RPH3AL: variants seen among roughly 807,000 people sequenced by gnomAD.
RPH3AL encodes the protein rabphilin 3A like (without C2 domains), also known as rab effector Noc2.
A neutral mutation model predicts 43.1 loss-of-function variants in RPH3AL; 38 were observed. The ratio of observed to expected loss-of-function variants is 0.88; its 90% CI spans 0.68 to 1.15. RPH3AL has a LOEUF of 1.15. Among genes scored for constraint, RPH3AL ranks in the 50% most tolerant of loss-of-function variants. RPH3AL has a pLI of 0.00. For missense variants in RPH3AL, 462 were observed against 423.2 expected, an observed-to-expected ratio of 1.09 and a Z score of -0.81; for synonymous variants, 189 against 176.3, an observed-to-expected ratio of 1.07 and a Z score of -0.57.
Position 215,836 on chromosome 17 carries a change from C to G in RPH3AL, c.728-34G>C. ...AATCACGTGTGGGCCCCGTGGATCT[C>G]AAACCGAGACGGGGTGATCTCAGTC... On this transcript the variant is annotated intron_variant, in intron 8 of 9. Transcript: ENST00000331302. The surrounding 1 kb of genome is among the most constrained non-coding windows in gnomAD (Gnocchi z 4.1). The G allele has an allele frequency of 7.7e-7, 1 of 1,303,376 alleles. No individual in the cohort carries two copies. The highest frequency in any genetic ancestry group is 3.1e-5 in the East Asian group (1 of 31,928). 80.7% of individuals were successfully genotyped at this position (1,303,376 alleles called of 1,614,324 possible).
chr17:275,486 CA>C (rs1372670746), intron 6 of RPH3AL, among the ~76,000 whole-genome samples: 1 of 152,074 alleles, frequency 6.6e-6, no homozygotes, highest in African/African-American at 2.4e-5. Flanking sequence ...GGGACGTCTG[CA>C]GTGGGGTAAC....
chr17:296,049 G>A (rs1386543087), intron 5 of RPH3AL, among the ~76,000 whole-genome samples: 2 of 145,542 alleles, frequency 1.4e-5, no homozygotes, highest in Non-Finnish European at 3.0e-5. Context: ...AGGGACAGAG[G>A]AGCTGCAGAA....
At chr17:304,954 G>A (rs1459884469) in intron 5 of RPH3AL, among the ~76,000 whole-genome samples, 2 of 64,366 alleles carry the variant, frequency 3.1e-5, no homozygotes, top group African/African-American at 5.8e-5. Flanking sequence ...GGCGAGAGGG[G>A]GACAGGGCGA....
At position 246,158 on chromosome 17, in the gene RPH3AL, G is replaced by T. The variant is rs951398863; in HGVS notation, c.613+953C>A. On this transcript the variant is annotated intron_variant, in intron 7 of 9. Transcript: ENST00000331302. This position sits in a 1 kb window ranked among gnomAD's most constrained non-coding sequence, Gnocchi z 4.8. ...AAAACAGCCCGAATGACATAAAGATGGTCAGATGTCAGGTCACAACCGAAG... is the reference window on the plus strand; with the variant it reads ...AAAACAGCCCGAATGACATAAAGATTGTCAGATGTCAGGTCACAACCGAAG... Among the ~76,000 whole-genome samples, 1 of 152,180 alleles carries T rather than the reference G, an allele frequency of 6.6e-6. No individual in the cohort carries two copies. Among genetic ancestry groups the T allele is most frequent in the Non-Finnish European group, 1.5e-5 (1 of 68,024 alleles).
Position 343,412 on chromosome 17 carries a change from G to A in RPH3AL, c.-213+9300C>T, listed in dbSNP as rs533195526. ...CAAAGCAGGCGCTCAACCCTGTCAC[G>A]CACTCCAGGTAGCCCTGCCAGCAGG... is the stretch of plus-strand genomic sequence containing the variant. On this transcript the variant is annotated intron_variant, in intron 1 of 9. Coordinates refer to ENST00000331302, the MANE Select transcript of RPH3AL (RefSeq NM_006987.4). 1.1e-3 allele frequency among the ~76,000 whole-genome samples: 160 copies of A among 152,314 alleles called. 1 individual carries two copies. Among genetic ancestry groups the A allele is most frequent in the Non-Finnish European group, 3.7e-4 (25 of 68,028 alleles).
rs111411786 is a variant in RPH3AL at position 309,619 on chromosome 17, T to C, written c.351+9801A>G. Among the ~76,000 whole-genome samples the C allele has an allele frequency of 7.5e-4, 58 of 77,152 alleles. 2 individuals carry two copies. The highest frequency in any genetic ancestry group is 1.0e-3 in the African/African-American group (23 of 22,012). 50.6% of individuals were successfully genotyped at this position (77,152 alleles called of 152,430 possible). ...AGCCTCCTGCTGGGGGTCCAGGATATGGCACATCCCCCGTCCAGGGCTCCT... is the reference window on the plus strand; with the variant it reads ...AGCCTCCTGCTGGGGGTCCAGGATACGGCACATCCCCCGTCCAGGGCTCCT... On this transcript the variant is annotated intron_variant, in intron 5 of 9. Coordinates refer to ENST00000331302, the MANE Select transcript of RPH3AL (RefSeq NM_006987.4).
At chr17:306,497 G>C (rs1349770515) in intron 5 of RPH3AL, 1 of 152,132 alleles carries the variant, frequency 6.6e-6, no homozygotes. Context: ...TGGGTGCTTG[G>C]TACCCCTAGA....
intron 8 of RPH3AL, among the ~76,000 whole-genome samples, chr17:216,803 G>C (rs1369691557): frequency 6.6e-6 from 1 of 152,122 alleles, no homozygotes; most frequent in Non-Finnish European, 1.5e-5. Context: ...GATTCTGAGG[G>C]CACATCAGGG....
At chr17:342,886 G>C (rs1379375586) in intron 1 of RPH3AL, among the ~76,000 whole-genome samples, 2 of 152,176 alleles carry the variant, frequency 1.3e-5, no homozygotes, top group Non-Finnish European at 2.9e-5. Flanking sequence ...CAACCAGCCA[G>C]ACATGATGCT....
Position 245,336 on chromosome 17 carries a change from T to G in RPH3AL, c.613+1775A>C, listed in dbSNP as rs2041733389. On this transcript the variant is annotated intron_variant, in intron 7 of 9. Transcript: ENST00000331302. This position sits in a 1 kb window ranked among gnomAD's most constrained non-coding sequence, Gnocchi z 5.9. The stretch of plus-strand genomic sequence containing the variant: ...GGATGTGGATGTCAGTGTGTGTGTG[T>G]GGATGTGAGTGTGTATGTGGATGTC... Among the ~76,000 whole-genome samples the G allele has an allele frequency of 6.6e-6, 1 of 150,572 alleles. No homozygotes were observed.
intron 5 of RPH3AL, among the ~76,000 whole-genome samples, chr17:317,133 G>C (rs1309853539): frequency 7.0e-6 from 1 of 143,548 alleles, no homozygotes; most frequent in Non-Finnish European, 1.5e-5. Context: ...CCACTGACGT[G>C]TAGTCCCTGT....
intron 2 of RPH3AL, chr17:331,350 C>A: frequency 1.7e-5 from 1 of 58,192 alleles, no homozygotes; most frequent in Non-Finnish European, 3.6e-5. Flanking sequence ...GAGCTGGGGC[C>A]ACGGGCAGCG....
At position 293,832 on chromosome 17, in the gene RPH3AL, C is replaced by T. The variant is rs143952612; in HGVS notation, c.352-11978G>A. 3.2e-4 allele frequency among the ~76,000 whole-genome samples: 49 copies of T among 152,056 alleles called. 1 individual carries two copies. Among genetic ancestry groups the T allele is most frequent in the African/African-American group, 1.1e-3 (46 of 41,370 alleles). On this transcript the variant is annotated intron_variant, in intron 5 of 9. Transcript: ENST00000331302. Reference sequence around the variant, plus strand: ...TCGCCTGAGGTCAGGAGTTCAACACCAACCTGGCCAACAAGGCGAAACCCC... The same window carrying T: ...TCGCCTGAGGTCAGGAGTTCAACACTAACCTGGCCAACAAGGCGAAACCCC...
At chr17:314,653 C>G (rs1477918549) in intron 5 of RPH3AL, among the ~76,000 whole-genome samples, 1 of 151,084 alleles carries the variant, frequency 6.6e-6, no homozygotes, top group South Asian at 2.1e-4. Flanking sequence ...CCCTGTGACT[C>G]CACCTCCATT....
At chr17:267,746 T>C (rs1211823723) in intron 6 of RPH3AL, among the ~76,000 whole-genome samples, 1 of 152,254 alleles carries the variant, frequency 6.6e-6, no homozygotes, top group East Asian at 1.9e-4. Context: ...ACTGTCTCCC[T>C]GACCACGTTT....
intron 6 of RPH3AL, among the ~76,000 whole-genome samples, chr17:266,185 A>T (rs1285935134): frequency 6.6e-6 from 1 of 151,706 alleles, no homozygotes; most frequent in Non-Finnish European, 1.5e-5. Flanking sequence ...TTAAAAGATG[A>T]CACTTTAAGG....
At chr17:263,978 A>G (rs1249053383) in intron 6 of RPH3AL, among the ~76,000 whole-genome samples, 1 of 152,138 alleles carries the variant, frequency 6.6e-6, no homozygotes, top group African/African-American at 2.4e-5. Context: ...GCAGGAAACA[A>G]GGGCCTGAGG....
intron 6 of RPH3AL, among the ~76,000 whole-genome samples, chr17:253,493 A>ATG (rs2041967764): frequency 6.6e-6 from 1 of 152,046 alleles, no homozygotes; most frequent in Non-Finnish European, 1.5e-5. Context: ...GGGTATGCGC[A>ATG]ATCCTTTTTT....
intron 1 of RPH3AL, among the ~76,000 whole-genome samples, chr17:342,480 C>G (rs1032943045): frequency 2.6e-5 from 4 of 152,102 alleles, no homozygotes; most frequent in African/African-American, 9.7e-5. Flanking sequence ...GGGAAAAGGA[C>G]AAACAAAATA....
Sources: allele counts gnomAD v4.1 joint callset (sites outside exome capture counted in the v4.1 genomes callset), GRCh38; gene constraint gnomAD v4.1.1; non-coding constraint Gnocchi (gnomAD v3.1); transcripts MANE v1.5; gene names NCBI Gene and HGNC (gene_info 2026-07-23, HGNC 2026-07-21).